The following SLC4A4 variants were observed in gnomAD, a reference collection of about 807,000 sequenced individuals.
The protein encoded by SLC4A4 is electrogenic sodium bicarbonate cotransporter 1.
A neutral mutation model predicts 111.5 loss-of-function variants in SLC4A4; 27 were observed. The observed-to-expected ratio is 0.24, with a 90% confidence interval of 0.18 to 0.33. The LOEUF (loss-of-function observed/expected upper bound fraction) is 0.33, where lower values mean the gene tolerates loss of function less well. SLC4A4 is among the 10% of genes least tolerant of loss of function. The probability of loss-of-function intolerance (pLI) is 1.00; values close to 1 mark genes in which losing one functional copy is unlikely to be tolerated. For missense variants in SLC4A4, 909 were observed against 1,315.5 expected, an observed-to-expected ratio of 0.69 and a Z score of 4.78; for synonymous variants, 443 against 463.4, an observed-to-expected ratio of 0.96 and a Z score of 0.57.
chr4:71,278,543 A>G (rs1311028153), intron 3 of SLC4A4, among the ~76,000 whole-genome samples: 1 of 152,164 alleles, frequency 6.6e-6, no homozygotes, highest in Non-Finnish European at 1.5e-5. Flanking sequence ...TAATGGCTGT[A>G]CCAGTTTACA....
At chr4:71,486,090 G>A (rs947119016) in intron 14 of SLC4A4, among the ~76,000 whole-genome samples, 1 of 151,312 alleles carries the variant, frequency 6.6e-6, no homozygotes, top group Non-Finnish European at 1.5e-5. Flanking sequence ...TAAACTATGG[G>A]ACCCTAAACA....
chr4:71,558,433 C>T (rs909874190), intron 22 of SLC4A4, among the ~76,000 whole-genome samples: 2 of 151,896 alleles, frequency 1.3e-5, no homozygotes, highest in South Asian at 4.1e-4. Context: ...TAAGGTGGGA[C>T]TCTCTATCCT....
chr4:71,439,435 CAAAAAAAAAAAAAAAA>C (rs56283596), intron 7 of SLC4A4, among the ~76,000 whole-genome samples: 93 of 34,184 alleles, frequency 2.7e-3, no homozygotes, highest in Admixed American at 6.2e-3. Flanking sequence ...GACTCTGTCT[CAAAAAAAAAAAAAAAA>C]AAAAAAAAAA....
At chr4:71,520,211 G>C (rs1351165754) in intron 16 of SLC4A4, among the ~76,000 whole-genome samples, 1 of 152,178 alleles carries the variant, frequency 6.6e-6, no homozygotes, top group Non-Finnish European at 1.5e-5. Context: ...AAATGCTCAT[G>C]TTGAGTGACA....
At chr4:71,186,223 A>G (rs1745444943), upstream of SLC4A4, among the ~76,000 whole-genome samples, 1 of 152,104 alleles carries the variant, frequency 6.6e-6, no homozygotes, top group Admixed American at 6.5e-5. Context: ...TGTTTTCCTA[A>G]CTCCCAAGGA....
At chr4:71,555,090 T>A (rs1389683874) in intron 20 of SLC4A4, 50 bp from the exon 21 acceptor site, 1 of 1,269,512 alleles carries the variant, frequency 7.9e-7, no homozygotes, top group Admixed American at 1.7e-5. Flanking sequence ...TCTTCATTCC[T>A]CTTTTTTCTT....
intron 2 of SLC4A4, among the ~76,000 whole-genome samples, chr4:71,179,697 A>G (rs1745223648): frequency 6.6e-6 from 1 of 152,216 alleles, no homozygotes; most frequent in Admixed American, 6.5e-5. Flanking sequence ...CAATGAAATA[A>G]AAGAGGATAC....
intron 6 of SLC4A4, among the ~76,000 whole-genome samples, chr4:71,365,380 A>G (rs1032133760): frequency 2.0e-5 from 3 of 152,156 alleles, no homozygotes; most frequent in African/African-American, 4.8e-5. Context: ...CCCAAGCCCC[A>G]TGTTGCTCTG....
At chr4:71,512,150 T>C (rs563724662) in intron 16 of SLC4A4, among the ~76,000 whole-genome samples, 51 of 152,278 alleles carry the variant, frequency 3.3e-4, no homozygotes, top group African/African-American at 1.2e-3. Flanking sequence ...GTACTGCGTT[T>C]GCTGGATCAA....
At chr4:71,293,055 C>A (rs1340874686) in intron 3 of SLC4A4, among the ~76,000 whole-genome samples, 3 of 149,760 alleles carry the variant, frequency 2.0e-5, no homozygotes, top group African/African-American at 7.3e-5. Flanking sequence ...CTTGGCCAGG[C>A]TGGTCTTGAA....
chr4:71,091,665 G>A lies in SLC4A4; in HGVS notation c.-64-1065G>A, dbSNP rs80038896. ...GGGTCATAGTCTACTCACAATCAGC[G>A]TTTCTATGGACATTCTGAAAATTTA... On this transcript the variant is annotated intron_variant, in intron 1 of 26. Transcript: ENST00000649996. Among the ~76,000 whole-genome samples, 141 of 152,134 alleles carry A rather than the reference G, an allele frequency of 9.3e-4. 1 individual carries two copies. Among genetic ancestry groups the A allele is most frequent in the African/African-American group, 3.3e-3 (137 of 41,524 alleles).
intron 1 of SLC4A4, among the ~76,000 whole-genome samples, chr4:71,222,817 C>T (rs1718827511): frequency 6.6e-6 from 1 of 152,174 alleles, no homozygotes; most frequent in Non-Finnish European, 1.5e-5. Context: ...GTGAGTGATG[C>T]ACTCTTCTGG....
rs1385813118 is a variant in SLC4A4, at chr4:71,544,502, A to G, written c.2443-1848A>G. 2.0e-5 allele frequency among the ~76,000 whole-genome samples: 3 copies of G among 152,010 alleles called. No individual in the cohort carries two copies. In the East Asian group the frequency reaches 5.8e-4, roughly 30 times the overall value. On this transcript the variant is annotated intron_variant, in intron 18 of 25. Transcript: ENST00000264485. Reference sequence around the variant, plus strand: ...AATGAACCATAGTGGGGTCTTAGACACACAAATAGGGAGGAGGGAGAAAAT... The same window carrying G: ...AATGAACCATAGTGGGGTCTTAGACGCACAAATAGGGAGGAGGGAGAAAAT...
At chr4:71,383,130 C>G (rs987003476) in intron 6 of SLC4A4, among the ~76,000 whole-genome samples, 5 of 152,220 alleles carry the variant, frequency 3.3e-5, no homozygotes, top group South Asian at 4.2e-4. Flanking sequence ...ATTCTCCACA[C>G]TGCTTTAGTA....
intron 2 of SLC4A4, among the ~76,000 whole-genome samples, chr4:71,105,266 A>G (rs1403919039): frequency 1.3e-5 from 2 of 150,436 alleles, no homozygotes; most frequent in South Asian, 2.1e-4. Flanking sequence ...TCAATGAAAT[A>G]AAAGAGGATA....
intron 14 of SLC4A4, among the ~76,000 whole-genome samples, chr4:71,478,439 T>A (rs372925644): frequency 1.3e-5 from 2 of 151,850 alleles, no homozygotes; most frequent in African/African-American, 4.8e-5. Context: ...TAAAAAATGA[T>A]GAGTTCATGT....
chr4:71,264,314 T>C (rs1722082261), intron 3 of SLC4A4, among the ~76,000 whole-genome samples: 1 of 152,162 alleles, frequency 6.6e-6, no homozygotes, highest in Non-Finnish European at 1.5e-5. Flanking sequence ...TAGAAACTAC[T>C]CCTGATGGTG....
At chr4:71,070,570 G>T (rs1380204452) in intron 1 of SLC4A4, among the ~76,000 whole-genome samples, 2 of 152,172 alleles carry the variant, frequency 1.3e-5, no homozygotes, top group East Asian at 1.9e-4. Context: ...TTAAATAGCT[G>T]TAATGATTAA....
At chr4:71,417,272 G>A (rs892707814) in intron 7 of SLC4A4, among the ~76,000 whole-genome samples, 1 of 152,180 alleles carries the variant, frequency 6.6e-6, no homozygotes, top group Admixed American at 6.5e-5. Flanking sequence ...TCACAGCCAA[G>A]TCAATCAATG....
Sources: gnomAD v4.1 joint callset for allele counts (sites outside exome capture counted in the v4.1 genomes callset) on GRCh38, gnomAD v4.1.1 for gene constraint, MANE v1.5 for transcripts, NCBI Gene and HGNC (gene_info 2026-07-23, HGNC 2026-07-21) for gene names.